Variants in MNAT1 observed in about 807,000 individuals in gnomAD.
The protein encoded by MNAT1 is CDK-activating kinase assembly factor MAT1.
In MNAT1, 43 loss-of-function variants were observed where a neutral mutation model predicts 42.0. That is an observed-to-expected ratio of 1.02 (90% CI 0.80 to 1.32). MNAT1 has a LOEUF of 1.32. Ranked by LOEUF, MNAT1 falls within the 40% of genes most tolerant of loss-of-function variation. MNAT1 has a pLI of 0.00. For missense variants in MNAT1, 306 were observed against 350.4 expected (o/e 0.87, Z 1.01); for synonymous variants, 118 against 120.0 (o/e 0.98, Z 0.11).
chr14:60,955,244 C>A lies in MNAT1; in HGVS notation c.810-12985C>A, dbSNP rs553923929. 1.7e-3 allele frequency among the ~76,000 whole-genome samples: 252 copies of A among 152,122 alleles called. 3 individuals carry two copies. Among genetic ancestry groups the A allele is most frequent in the African/African-American group, 5.8e-3 (242 of 41,484 alleles). On this transcript the variant is annotated intron_variant, in intron 7 of 7. Coordinates refer to ENST00000261245, the MANE Select transcript of MNAT1 (RefSeq NM_002431.4). ...CATAAAATAAGCTTGGAAGTATTGT[C>A]TCCTTTTCAGTTTTTAGAAAAATTT...
At position 60,880,718 on chromosome 14, in the gene MNAT1, T is replaced by A. The variant is rs111705100; in HGVS notation, c.809+883T>A. ...GGAACATGTTGCATAATATTTTACA[T>A]GTGAACATCAAGGCTCCAAGGTAAA... On this transcript the variant is annotated intron_variant, in intron 7 of 7. Transcript: ENST00000261245. Among the ~76,000 whole-genome samples the A allele has an allele frequency of 4.7e-4, 71 of 152,292 alleles. 1 individual carries two copies. The highest frequency in any genetic ancestry group is 1.6e-3 in the African/African-American group (68 of 41,572).
chr14:60,811,641 A>G (rs1459135962), intron 4 of MNAT1, among the ~76,000 whole-genome samples: 1 of 152,084 alleles, frequency 6.6e-6, no homozygotes, highest in East Asian at 1.9e-4. Flanking sequence ...ACTTCTAACT[A>G]GTCCTCCTAT....
At chr14:60,931,753 G>GTA (rs2035888610) in intron 7 of MNAT1, among the ~76,000 whole-genome samples, 1 of 151,964 alleles carries the variant, frequency 6.6e-6, no homozygotes, top group Non-Finnish European at 1.5e-5. Context: ...ATATATGTGT[G>GTA]TATATATATG....
chr14:60,829,968 G>A (rs1271162683), intron 6 of MNAT1, among the ~76,000 whole-genome samples: 4 of 152,030 alleles, frequency 2.6e-5, no homozygotes, highest in Non-Finnish European at 5.9e-5. Context: ...TTGGTGTTGC[G>A]GATATAGTAA....
intron 7 of MNAT1, among the ~76,000 whole-genome samples, chr14:60,891,317 A>G (rs1741491960): frequency 6.6e-6 from 1 of 150,456 alleles, no homozygotes; most frequent in African/African-American, 2.4e-5. Flanking sequence ...TCTTTTTTCT[A>G]TTCTCTATTT....
At chr14:60,749,656 A>C (rs542337022) in intron 1 of MNAT1, among the ~76,000 whole-genome samples, 82 of 152,306 alleles carry the variant, frequency 5.4e-4, no homozygotes, top group Admixed American at 5.2e-3. Flanking sequence ...CTATGAATTC[A>C]AGTAAATTTA....
intron 6 of MNAT1, among the ~76,000 whole-genome samples, chr14:60,819,957 T>C (rs2032832017): frequency 6.6e-6 from 1 of 152,156 alleles, no homozygotes; most frequent in Non-Finnish European, 1.5e-5. Flanking sequence ...TAATAACGAG[T>C]TGATAACACA....
chr14:60,846,132 C>G (rs1594798108), intron 6 of MNAT1, among the ~76,000 whole-genome samples: 1 of 151,870 alleles, frequency 6.6e-6, no homozygotes, highest in Middle Eastern at 3.4e-3. Flanking sequence ...CTCTTCCTTT[C>G]CTCCCCTTGC....
At chr14:60,737,934 C>T (rs538094434) in intron 1 of MNAT1, among the ~76,000 whole-genome samples, 253 of 151,430 alleles carry the variant, frequency 1.7e-3, no homozygotes, top group Non-Finnish European at 2.9e-3. Flanking sequence ...CTGCAAGCTC[C>T]GCCTCCCGGG....
At chr14:60,856,981 A>T (rs2033975906) in intron 6 of MNAT1, among the ~76,000 whole-genome samples, 1 of 152,040 alleles carries the variant, frequency 6.6e-6, no homozygotes. Flanking sequence ...GCCCGGCCTC[A>T]TTTGCCATTT....
chr14:60,853,681 T>G (rs1241874601), intron 6 of MNAT1, among the ~76,000 whole-genome samples: 2 of 152,208 alleles, frequency 1.3e-5, no homozygotes, highest in African/African-American at 2.4e-5. Context: ...TGGCTATGGG[T>G]TTGTCATAAA....
At chr14:60,796,431 T>A (rs1206476731) in intron 2 of MNAT1, 62 bp downstream of exon 2, 1 of 1,456,790 alleles carries the variant, frequency 6.9e-7, no homozygotes, top group African/African-American at 1.4e-5. Context: ...ATGTCAGTAA[T>A]TGATTATTAT....
intron 1 of MNAT1, among the ~76,000 whole-genome samples, chr14:60,735,201 C>G (rs1896270584): frequency 6.6e-6 from 1 of 152,198 alleles, no homozygotes; most frequent in South Asian, 2.1e-4. Flanking sequence ...CCTTCCATAG[C>G]CAATGAGTAT....
chr14:60,936,743 T>C (rs2036006367), intron 7 of MNAT1, among the ~76,000 whole-genome samples: 2 of 152,222 alleles, frequency 1.3e-5, no homozygotes, highest in Admixed American at 6.5e-5. Context: ...ATATACCCAG[T>C]AATGGGATTG....
intron 7 of MNAT1, among the ~76,000 whole-genome samples, chr14:60,904,309 AT>A (rs2035144635): frequency 6.6e-6 from 1 of 152,234 alleles, no homozygotes; most frequent in Admixed American, 6.5e-5. Context: ...GGTGGTAATT[AT>A]GAAAATATTA....
intron 4 of MNAT1, among the ~76,000 whole-genome samples, chr14:60,811,294 CTTTCTT>C (rs2032535222): frequency 1.8e-5 from 2 of 110,350 alleles, no homozygotes; most frequent in Non-Finnish European, 3.5e-5. Flanking sequence ...TATTTCTATT[CTTTCTT>C]TTTTTTTTTT....
intron 6 of MNAT1, among the ~76,000 whole-genome samples, chr14:60,879,259 C>T (rs1310895949): frequency 6.6e-6 from 1 of 152,118 alleles, no homozygotes; most frequent in African/African-American, 2.4e-5. Context: ...TCACATTGCT[C>T]TGATAGGAGC....
At chr14:60,907,425 TCTG>T (rs1449929556) in intron 7 of MNAT1, among the ~76,000 whole-genome samples, 1 of 91,856 alleles carries the variant, frequency 1.1e-5, no homozygotes, top group African/African-American at 4.0e-5. Flanking sequence ...AGAGCAAGAC[TCTG>T]TCTCACCAAA....
At chr14:60,846,124 CTT>C (rs2033676126) in intron 6 of MNAT1, among the ~76,000 whole-genome samples, 1 of 151,898 alleles carries the variant, frequency 6.6e-6, no homozygotes, top group South Asian at 2.1e-4. Flanking sequence ...CCCTCCCTCT[CTT>C]CCTTTCCTCC....
Sources: allele counts gnomAD v4.1 joint callset (sites outside exome capture counted in the v4.1 genomes callset), GRCh38; gene constraint gnomAD v4.1.1; transcripts MANE v1.5; gene names NCBI Gene and HGNC (gene_info 2026-07-23, HGNC 2026-07-21).